GSTCD: variants seen among roughly 807,000 people sequenced by gnomAD.
GSTCD encodes glutathione S-transferase C-terminal domain-containing protein.
Under a neutral mutation model 68.3 loss-of-function variants are expected in GSTCD, and 44 were observed. That is an observed-to-expected ratio of 0.64 (90% CI 0.51 to 0.83). GSTCD has a LOEUF of 0.83. Ranked by LOEUF, GSTCD falls within the 40% of genes least tolerant of loss-of-function variation. The pLI is 0.00. For synonymous variants in GSTCD, 273 were observed against 255.2 expected (o/e 1.07, Z -0.67); for missense variants, 739 against 735.9 (o/e 1.00, Z -0.05).
intron 5 of GSTCD, among the ~76,000 whole-genome samples, chr4:105,765,804 T>C (rs1289428486): frequency 2.0e-5 from 3 of 152,120 alleles, no homozygotes; most frequent in African/African-American, 4.8e-5. Context: ...TCTGATGGTT[T>C]TATAAGGGGC....
At chr4:105,782,492 A>C (rs1242095386) in intron 5 of GSTCD, among the ~76,000 whole-genome samples, 2 of 152,204 alleles carry the variant, frequency 1.3e-5, no homozygotes, top group African/African-American at 4.8e-5. Flanking sequence ...ACCCTATCTC[A>C]AAAAACAAAA....
chr4:105,803,486 C>T (rs1431062738), intron 5 of GSTCD, among the ~76,000 whole-genome samples: 1 of 151,820 alleles, frequency 6.6e-6, no homozygotes, highest in Non-Finnish European at 1.5e-5. Flanking sequence ...AATTGATACT[C>T]ATAAATATGA....
chr4:105,711,358 T>G (rs1732530705), intron 1 of GSTCD, among the ~76,000 whole-genome samples: 1 of 152,252 alleles, frequency 6.6e-6, no homozygotes, highest in Admixed American at 6.5e-5. Context: ...ACGTTTATAT[T>G]TTACCATTTC....
chr4:105,830,541 A>C (rs1367065913), intron 8 of GSTCD, among the ~76,000 whole-genome samples: 1 of 152,204 alleles, frequency 6.6e-6, no homozygotes, highest in Non-Finnish European at 1.5e-5. Flanking sequence ...ATTAAGTGGT[A>C]TCCAATACAA....
chr4:105,791,978 C>T (rs1350229006), intron 5 of GSTCD, among the ~76,000 whole-genome samples: 1 of 152,004 alleles, frequency 6.6e-6, no homozygotes, highest in East Asian at 1.9e-4. Flanking sequence ...GAAAAATATA[C>T]AGAAATTTAA....
chr4:105,835,720 T>C (rs72673853), intron 9 of GSTCD, among the ~76,000 whole-genome samples: 8,287 of 152,232 alleles, frequency 0.054, 256 homozygotes, highest in Middle Eastern at 0.13. Context: ...GTTTGTGTTA[T>C]AACTCTTAGT....
intron 5 of GSTCD, among the ~76,000 whole-genome samples, chr4:105,749,996 T>A (rs1733951626): frequency 6.6e-6 from 1 of 152,050 alleles, no homozygotes; most frequent in South Asian, 2.1e-4. Context: ...TAAATAGAAG[T>A]CCAATTAGAA....
chr4:105,825,165 C>T (rs759552483), intron 7 of GSTCD, among the ~76,000 whole-genome samples: 12 of 151,866 alleles, frequency 7.9e-5, no homozygotes, highest in African/African-American at 2.9e-4. Flanking sequence ...ATTCTCCCTG[C>T]GATGCCCAGG....
At chr4:105,822,838 T>A (rs1007342281) in intron 5 of GSTCD, 116 bp from the exon 6 acceptor site, 11 of 660,168 alleles carry the variant, frequency 1.7e-5, no homozygotes, top group Non-Finnish European at 2.7e-5. Context: ...TATGTATGTA[T>A]GTGTGTATGC....
intron 4 of GSTCD, among the ~76,000 whole-genome samples, chr4:105,727,399 C>T (rs1190536762): frequency 1.3e-5 from 2 of 151,764 alleles, no homozygotes; most frequent in Non-Finnish European, 2.9e-5. Flanking sequence ...TGGCACGTGC[C>T]TGTGGTCCCA....
intron 5 of GSTCD, among the ~76,000 whole-genome samples, chr4:105,817,970 A>G (rs753914340): frequency 4.5e-4 from 68 of 152,004 alleles, no homozygotes; most frequent in Middle Eastern, 3.4e-3. Flanking sequence ...AGTTTGTCAT[A>G]TTTGCAGAGA....
rs1445594806 is a variant in GSTCD at position 105,719,697 on chromosome 4, A to G, written c.894+170A>G. The G allele has an allele frequency of 1.4e-5, 8 of 579,328 alleles. No homozygotes were observed. The East Asian group carries it at 2.0e-4, about 15-fold the overall frequency. The allele number at this position is 579,328 out of a possible 1,614,324, so 35.9% of individuals were successfully genotyped here. ...GGTGATAATAATAGTACCTATCTAA[A>G]AGGAAAAATGTAAGGAACAAATTAA... On this transcript the variant is annotated intron_variant, in intron 3 of 11. Transcript: ENST00000515279.
At chr4:105,745,555 A>G (rs1303222435) in intron 5 of GSTCD, among the ~76,000 whole-genome samples, 1 of 152,196 alleles carries the variant, frequency 6.6e-6, no homozygotes, top group African/African-American at 2.4e-5. Flanking sequence ...TGTTAAGTCC[A>G]GAGTCACCCT....
At chr4:105,747,199 C>T (rs1048663010) in intron 5 of GSTCD, among the ~76,000 whole-genome samples, 13 of 152,242 alleles carry the variant, frequency 8.5e-5, no homozygotes, top group African/African-American at 3.1e-4. Flanking sequence ...ATGGTCTGAT[C>T]CACAATGTCA....
intron 5 of GSTCD, chr4:105,820,627 A>G (rs553899338): frequency 2.6e-5 from 4 of 151,978 alleles, no homozygotes; most frequent in African/African-American, 7.2e-5. Flanking sequence ...AGAATGCTTT[A>G]TTAGAGGCAG....
In GSTCD at chr4:105,714,011, T is replaced by C. The variant is rs76206730; in HGVS notation, c.-21-3582T>C. ...TTTTATCAAGGCTAAGATATATTCATTAGAATGAAAGTGAAAAAAAAAAAC... is the reference window on the plus strand; with the variant it reads ...TTTTATCAAGGCTAAGATATATTCACTAGAATGAAAGTGAAAAAAAAAAAC... On this transcript the variant is annotated intron_variant, in intron 1 of 11. Transcript: ENST00000515279. Among the ~76,000 whole-genome samples, 1,269 of 151,482 alleles carry C rather than the reference T, an allele frequency of 8.4e-3. 20 individuals carry two copies. Among genetic ancestry groups the C allele is most frequent in the African/African-American group, 0.029 (1,195 of 41,334 alleles).
chr4:105,775,721 G>A (rs933039468), intron 5 of GSTCD, among the ~76,000 whole-genome samples: 1 of 152,216 alleles, frequency 6.6e-6, no homozygotes, highest in Admixed American at 6.5e-5. Flanking sequence ...TCCTCTGGAA[G>A]CTTTGTTCCG....
chr4:105,728,931 TATAAA>T (rs1282127673), intron 4 of GSTCD, among the ~76,000 whole-genome samples: 1 of 152,198 alleles, frequency 6.6e-6, no homozygotes, highest in Admixed American at 6.5e-5. Flanking sequence ...TAAAGGCACT[TATAAA>T]AGACTAGTAT....
intron 5 of GSTCD, among the ~76,000 whole-genome samples, chr4:105,733,032 T>G (rs1409938777): frequency 5.9e-5 from 9 of 152,242 alleles, no homozygotes; most frequent in Admixed American, 5.9e-4. Context: ...AGTTCTAGTT[T>G]GATTGCACTG....
Sources: allele counts gnomAD v4.1 joint callset (sites outside exome capture counted in the v4.1 genomes callset), GRCh38; gene constraint gnomAD v4.1.1; transcripts MANE v1.5; gene names NCBI Gene and HGNC (gene_info 2026-07-23, HGNC 2026-07-21).